Variants in SNTB1 observed in about 807,000 individuals in gnomAD.
SNTB1 encodes the protein syntrophin beta 1, also known as beta-1-syntrophin.
In SNTB1, 36 loss-of-function variants were observed where a neutral mutation model predicts 48.9. That is an observed-to-expected ratio of 0.74 (90% confidence interval 0.56 to 0.97). The LOEUF is 0.97. Among genes scored for constraint, SNTB1 ranks in the 50% least tolerant of loss-of-function variants. The probability of loss-of-function intolerance (pLI) is 0.00; values close to 1 mark genes in which losing one functional copy is unlikely to be tolerated. For missense variants in SNTB1, 786 were observed against 703.4 expected (o/e 1.12, Z -1.33); for synonymous variants, 299 against 294.6 (o/e 1.01, Z -0.15).
At chr8:120,609,709 A>T (rs1165645596) in intron 3 of SNTB1, among the ~76,000 whole-genome samples, 1 of 152,244 alleles carries the variant, frequency 6.6e-6, no homozygotes, top group African/African-American at 2.4e-5. Flanking sequence ...AAAAACAAAT[A>T]AAAAACAAAC....
chr8:120,550,908 GT>G (rs1815469384), intron 4 of SNTB1, among the ~76,000 whole-genome samples: 1 of 152,056 alleles, frequency 6.6e-6, no homozygotes, highest in Admixed American at 6.5e-5. Context: ...AAGTGTTTGT[GT>G]TTCAAAAAAA....
chr8:120,649,099 G>T (rs1817357894), intron 2 of SNTB1, among the ~76,000 whole-genome samples: 2 of 148,710 alleles, frequency 1.3e-5, no homozygotes, highest in African/African-American at 4.9e-5. Flanking sequence ...CAACTTCTTT[G>T]CCTTTGGTTT....
intron 1 of SNTB1, among the ~76,000 whole-genome samples, chr8:120,737,353 G>A (rs74974525): frequency 0.1 from 15,262 of 152,096 alleles, 886 homozygotes; most frequent in East Asian, 0.17. Context: ...AAGCACCAAA[G>A]AAATGAAAGA....
chr8:120,691,525 A>G (rs1818127366), intron 2 of SNTB1, among the ~76,000 whole-genome samples: 1 of 152,220 alleles, frequency 6.6e-6, no homozygotes, highest in Admixed American at 6.5e-5. Flanking sequence ...ATTCCATAGT[A>G]GAAGGTAATA....
chr8:120,682,760 T>C (rs962724136), intron 2 of SNTB1, among the ~76,000 whole-genome samples: 8 of 151,980 alleles, frequency 5.3e-5, no homozygotes, highest in African/African-American at 7.3e-5. Context: ...GGTAGATACA[T>C]AGATAGCTGA....
At chr8:120,625,789 C>T (rs1816863996) in intron 3 of SNTB1, among the ~76,000 whole-genome samples, 1 of 152,118 alleles carries the variant, frequency 6.6e-6, no homozygotes, top group Non-Finnish European at 1.5e-5. Context: ...AACCAATAGT[C>T]TTGATTTAGG....
chr8:120,735,926 G>A (rs1292536898), intron 1 of SNTB1, among the ~76,000 whole-genome samples: 1 of 152,162 alleles, frequency 6.6e-6, no homozygotes, highest in Non-Finnish European at 1.5e-5. Context: ...TCTTTTGAAA[G>A]TATCCCCTTC....
intron 2 of SNTB1, among the ~76,000 whole-genome samples, chr8:120,677,319 A>C (rs1207645329): frequency 6.6e-6 from 1 of 152,170 alleles, no homozygotes; most frequent in Non-Finnish European, 1.5e-5. Flanking sequence ...TGGCCTTGGA[A>C]AGCTTCTACA....
At chr8:120,562,871 G>A (rs559805846) in intron 4 of SNTB1, among the ~76,000 whole-genome samples, 3 of 149,322 alleles carry the variant, frequency 2.0e-5, no homozygotes, top group South Asian at 2.1e-4. Flanking sequence ...CCTTGCTACC[G>A]CTCAAAAAAA....
intron 3 of SNTB1, among the ~76,000 whole-genome samples, chr8:120,609,671 A>T (rs186540378): frequency 1.3e-5 from 2 of 152,398 alleles, no homozygotes; most frequent in East Asian, 3.8e-4. Context: ...ACTTTTTAAA[A>T]GAAAATTAAC....
At chr8:120,762,581 C>A (rs146280051) in intron 1 of SNTB1, among the ~76,000 whole-genome samples, 148 of 152,268 alleles carry the variant, frequency 9.7e-4, no homozygotes, top group African/African-American at 3.4e-3. Context: ...TTCATAGGCT[C>A]GTTGCCAACA....
chr8:120,665,776 A>G lies in SNTB1; in HGVS notation c.788+27916T>C, dbSNP rs982426421. Among the ~76,000 whole-genome samples the G allele has an allele frequency of 3.3e-5, 5 of 152,116 alleles. No homozygotes were observed. In the East Asian group the frequency reaches 9.6e-4, roughly 29 times the overall value. On this transcript the variant is annotated intron_variant, in intron 2 of 6. Transcript: ENST00000517992. ...ATATAAAGATTGAAGTACTTTTTGC[A>G]TTTGGATATTCAATTTTTATATTTT...
intron 1 of SNTB1, among the ~76,000 whole-genome samples, chr8:120,718,400 G>C (rs1342399773): frequency 6.6e-6 from 1 of 152,246 alleles, no homozygotes; most frequent in Non-Finnish European, 1.5e-5. Context: ...CCAGGGGTGG[G>C]AAGAGAAGAG....
chr8:120,666,009 T>G (rs947413225), intron 2 of SNTB1, among the ~76,000 whole-genome samples: 1 of 152,124 alleles, frequency 6.6e-6, no homozygotes, highest in African/African-American at 2.4e-5. Flanking sequence ...TGTCCTCTAG[T>G]ATTGTCTTTT....
chr8:120,639,241 T>C (rs1012008990), intron 2 of SNTB1, among the ~76,000 whole-genome samples: 3 of 152,226 alleles, frequency 2.0e-5, no homozygotes, highest in Non-Finnish European at 2.9e-5. Flanking sequence ...ATGGGGTTGT[T>C]TTTTTCTTGT....
chr8:120,642,342 T>G (rs937429584), intron 2 of SNTB1, among the ~76,000 whole-genome samples: 1 of 152,240 alleles, frequency 6.6e-6, no homozygotes, highest in Non-Finnish European at 1.5e-5. Flanking sequence ...AATAGGCTTC[T>G]TTTTAAAAAA....
intron 1 of SNTB1, among the ~76,000 whole-genome samples, chr8:120,742,232 A>G (rs923228887): frequency 3.3e-5 from 5 of 152,214 alleles, no homozygotes; most frequent in African/African-American, 1.2e-4. Context: ...GGCTTAAGTA[A>G]AACCATTTTG....
rs902446220 is a variant in SNTB1 at position 120,538,021 on chromosome 8, T to C, written c.*856A>G. On this transcript the variant is annotated 3_prime_UTR_variant, in exon 7 of 7. Transcript: ENST00000517992. ...AACAATGTGAGTTGTTTTATGTGTA[T>C]ATCAGATGACAATATTTTCTGAAAA... 6.6e-6 allele frequency: 1 copy of C among 152,310 alleles called. No homozygotes were observed. Among genetic ancestry groups the C allele is most frequent in the Admixed American group, 6.5e-5 (1 of 15,280 alleles). 9.4% of individuals were successfully genotyped at this position (152,310 alleles called of 1,614,324 possible).
At position 120,664,104 on chromosome 8, in the gene SNTB1, C is replaced by G. The variant is rs182131871; in HGVS notation, c.788+29588G>C. Among the ~76,000 whole-genome samples, 771 of 152,198 alleles carry G rather than the reference C, an allele frequency of 5.1e-3. 9 individuals are homozygous for G. The highest frequency in any genetic ancestry group is 0.017 in the African/African-American group (715 of 41,522). On this transcript the variant is annotated intron_variant, in intron 2 of 6. Transcript: ENST00000517992. ...AAAATAATTATAATACATGGCAGAA[C>G]AGGTGTGCCATTCAGGAAGCACAGC... is the stretch of plus-strand genomic sequence containing the variant.
Sources: gnomAD v4.1 joint callset for allele counts (sites outside exome capture counted in the v4.1 genomes callset) on GRCh38, gnomAD v4.1.1 for gene constraint, MANE v1.5 for transcripts, NCBI Gene and HGNC (gene_info 2026-07-23, HGNC 2026-07-21) for gene names.